LIPG: variants seen among roughly 807,000 people sequenced by gnomAD.
The protein encoded by LIPG is endothelial lipase.
Under a neutral mutation model 51.8 loss-of-function variants are expected in LIPG, and 34 were observed. The observed-to-expected ratio is 0.66, with a 90% CI of 0.50 to 0.87. The LOEUF is 0.87. LIPG is among the 40% of genes least tolerant of loss of function. The probability of loss-of-function intolerance (pLI) is 0.00; values close to 1 mark genes in which losing one functional copy is unlikely to be tolerated. For missense variants in LIPG, 580 were observed against 652.7 expected (o/e 0.89, Z 1.21); for synonymous variants, 246 against 246.1 (o/e 1.00, Z 0.00).
Position 49,595,758 on chromosome 18 carries a change from A to G in LIPG, c.*5236A>G, listed in dbSNP as rs2084979258. Reference sequence around the variant, plus strand: ...CAGAAGAATCGCTCGAACCTGGGAGATGGAGTTTGCAGTGAGCTGAGATCA... The same window carrying G: ...CAGAAGAATCGCTCGAACCTGGGAGGTGGAGTTTGCAGTGAGCTGAGATCA... On this transcript the variant is annotated 3_prime_UTR_variant, in exon 10 of 10. Coordinates refer to ENST00000261292, the MANE Select transcript of LIPG (RefSeq NM_006033.4). The G allele has an allele frequency of 6.6e-6, 1 of 152,170 alleles. No individual in the cohort carries two copies. Among genetic ancestry groups the G allele is most frequent in the East Asian group, 1.9e-4 (1 of 5,186 alleles). The allele number at this position is 152,170 out of a possible 1,614,324, so 9.4% of individuals were successfully genotyped here. A position where few individuals can be genotyped will look rare whatever the true frequency, so the allele number is the denominator to read the frequency against.
chr18:49,564,060 G>A (rs533813542), intron 1 of LIPG, among the ~76,000 whole-genome samples: 7 of 152,200 alleles, frequency 4.6e-5, no homozygotes, highest in South Asian at 2.1e-4. Context: ...CCTGACTTCC[G>A]CTCATGTGCA....
chr18:49,574,348 A>G (rs967996269), intron 4 of LIPG, among the ~76,000 whole-genome samples: 8 of 152,222 alleles, frequency 5.3e-5, no homozygotes, highest in Admixed American at 2.0e-4. Context: ...GGCCCACAGA[A>G]TACCTACTTT....
intron 5 of LIPG, 85 bp from the exon 6 acceptor site, chr18:49,581,330 G>T (rs2143966568): frequency 6.5e-7 from 1 of 1,538,618 alleles, no homozygotes; most frequent in Admixed American, 1.7e-5. Context: ...AGCTATCACT[G>T]TTGAGGAGTA....
At position 49,590,648 on chromosome 18, in the gene LIPG, G is replaced by A. The variant is rs1311383685; in HGVS notation, c.*126G>A. On this transcript the variant is annotated 3_prime_UTR_variant, in exon 10 of 10. Transcript: ENST00000261292. The stretch of plus-strand genomic sequence containing the variant: ...TTCTCAGCCTTGACCCTGGAGCACT[G>A]GGAACAACTGGTCTCCTGTGATGGC... 1 of 965,618 alleles carries A rather than the reference G, an allele frequency of 1.0e-6. No homozygotes were observed. The highest frequency in any genetic ancestry group is 1.6e-6 in the Non-Finnish European group (1 of 618,568). The allele number at this position is 965,618 out of a possible 1,614,324, so 59.8% of individuals were successfully genotyped here. A position where few individuals can be genotyped will look rare whatever the true frequency, so the allele number is the denominator to read the frequency against.
At chr18:49,572,217 G>C (rs1260183660) in intron 4 of LIPG, among the ~76,000 whole-genome samples, 3 of 152,168 alleles carry the variant, frequency 2.0e-5, no homozygotes, top group African/African-American at 7.2e-5. Flanking sequence ...CTACTCAGGA[G>C]GCTGAAGCAG....
At position 49,592,248 on chromosome 18, in the gene LIPG, G is replaced by C. The variant is rs534327327; in HGVS notation, c.*1726G>C. 6.6e-6 allele frequency: 1 copy of C among 152,196 alleles called. No homozygotes were observed. The highest frequency in any genetic ancestry group is 1.5e-5 in the Non-Finnish European group (1 of 68,042). 9.4% of individuals were successfully genotyped at this position (152,196 alleles called of 1,614,324 possible). ...TTCAAGATATGTTCTCAAGCCAATT[G>C]TGTGCTTCTCTTGTTTCTGTGATTG... On this transcript the variant is annotated 3_prime_UTR_variant, in exon 10 of 10. Coordinates refer to ENST00000261292, the MANE Select transcript of LIPG (RefSeq NM_006033.4).
upstream of LIPG, chr18:49,561,575 G>A: frequency 2.5e-6 from 2 of 810,360 alleles, no homozygotes; most frequent in Non-Finnish European, 3.3e-6. Flanking sequence ...GGAAGGGAGG[G>A]AGAAGAGGAG....
chr18:49,587,291 C>A (rs1354223841), intron 9 of LIPG, among the ~76,000 whole-genome samples: 1 of 151,194 alleles, frequency 6.6e-6, no homozygotes, highest in Non-Finnish European at 1.5e-5. Context: ...AAAGAAAGGG[C>A]CAGGCATGGA....
rs1010299833 is a variant in LIPG at position 49,595,763 on chromosome 18, G to A, written c.*5241G>A. On this transcript the variant is annotated 3_prime_UTR_variant, in exon 10 of 10. Coordinates refer to ENST00000261292, the MANE Select transcript of LIPG (RefSeq NM_006033.4). ...GAATCGCTCGAACCTGGGAGATGGA[G>A]TTTGCAGTGAGCTGAGATCACGCCA... 1 of 152,224 alleles carries A rather than the reference G, an allele frequency of 6.6e-6. No individual in the cohort carries two copies. Among genetic ancestry groups the A allele is most frequent in the Non-Finnish European group, 1.5e-5 (1 of 68,048 alleles). The allele number at this position is 152,224 out of a possible 1,614,324, so 9.4% of individuals were successfully genotyped here. A position where few individuals can be genotyped will look rare whatever the true frequency, so the allele number is the denominator to read the frequency against.
At chr18:49,568,390 C>CT (rs912840743) in intron 3 of LIPG, among the ~76,000 whole-genome samples, 59 of 148,128 alleles carry the variant, frequency 4.0e-4, no homozygotes, top group Non-Finnish European at 5.4e-4. Context: ...CTTATATTTA[C>CT]TTTTTTTTTT....
chr18:49,572,256 GT>G lies in LIPG; in HGVS notation c.571+2710del, dbSNP rs368455793. Among the ~76,000 whole-genome samples, 40 of 152,290 alleles carry G rather than the reference GT, an allele frequency of 2.6e-4. 1 individual carries two copies. In the East Asian group the frequency reaches 7.7e-3, roughly 29 times the overall value. ...AATCTCTTGAACCCAGGATGCGGAGGTTGCAGTGGGCTGAGATTGCGCCACT... is the reference window on the plus strand; with the variant it reads ...AATCTCTTGAACCCAGGATGCGGAGGTGCAGTGGGCTGAGATTGCGCCACT... On this transcript the variant is annotated intron_variant, in intron 4 of 9. Coordinates refer to ENST00000261292, the MANE Select transcript of LIPG (RefSeq NM_006033.4).
In LIPG at chr18:49,595,021, C is replaced by T. The variant is rs1670462080; in HGVS notation, c.*4499C>T. ...AACTTCCACAGGACTTCCTTTGACT[C>T]TCCAAACAAGCTGAAGCCCCAGACC... is the stretch of plus-strand genomic sequence containing the variant. On this transcript the variant is annotated 3_prime_UTR_variant, in exon 10 of 10. Coordinates refer to ENST00000261292, the MANE Select transcript of LIPG (RefSeq NM_006033.4). The T allele has an allele frequency of 6.6e-6, 1 of 152,198 alleles. No homozygotes were observed. Among genetic ancestry groups the T allele is most frequent in the African/African-American group, 2.4e-5 (1 of 41,452 alleles). The allele number at this position is 152,198 out of a possible 1,614,324, so 9.4% of individuals were successfully genotyped here. A position where few individuals can be genotyped will look rare whatever the true frequency, so the allele number is the denominator to read the frequency against.
At chr18:49,572,665 A>G (rs2084675666) in intron 4 of LIPG, among the ~76,000 whole-genome samples, 1 of 143,380 alleles carries the variant, frequency 7.0e-6, no homozygotes, top group African/African-American at 2.6e-5. Flanking sequence ...CAGGAGGTGG[A>G]GGTTGCAGAG....
Position 49,597,637 on chromosome 18 carries a change from T to C in LIPG, c.*7115T>C, listed in dbSNP as rs2084989900. On this transcript the variant is annotated 3_prime_UTR_variant, in exon 10 of 10. Coordinates refer to ENST00000261292, the MANE Select transcript of LIPG (RefSeq NM_006033.4). ...AAGACTCTGGAAGCTAGGACAGGTC[T>C]CAGCAGGTGAGGGCTCAGGCCCAGA... 1 of 152,372 alleles carries C rather than the reference T, an allele frequency of 6.6e-6. No individual in the cohort carries two copies. Among genetic ancestry groups the C allele is most frequent in the South Asian group, 2.1e-4 (1 of 4,834 alleles). 9.4% of individuals were successfully genotyped at this position (152,372 alleles called of 1,614,324 possible). A position where few individuals can be genotyped will look rare whatever the true frequency, so the allele number is the denominator to read the frequency against.
intron 8 of LIPG, among the ~76,000 whole-genome samples, chr18:49,585,970 AAGGT>A (rs753065507): frequency 6.6e-6 from 1 of 152,128 alleles, no homozygotes; most frequent in Non-Finnish European, 1.5e-5. Flanking sequence ...CTTCCTGGGA[AAGGT>A]TCTTAAGCTC....
At chr18:49,571,960 G>T (rs1248205588) in intron 4 of LIPG, among the ~76,000 whole-genome samples, 1 of 152,202 alleles carries the variant, frequency 6.6e-6, no homozygotes, top group African/African-American at 2.4e-5. Flanking sequence ...GCAAGCAGAT[G>T]AATTTATTCA....
intron 2 of LIPG, 37 bp from the exon 3 acceptor site, chr18:49,567,405 A>T: frequency 6.2e-7 from 1 of 1,601,298 alleles, no homozygotes; most frequent in Non-Finnish European, 8.5e-7. Context: ...GATTTCTGAA[A>T]CCAAGAATAA....
chr18:49,573,625 T>C (rs2084685864), intron 4 of LIPG, among the ~76,000 whole-genome samples: 1 of 152,014 alleles, frequency 6.6e-6, no homozygotes, highest in East Asian at 1.9e-4. Context: ...TTGGAAACTA[T>C]TTAGCGTTTC....
chr18:49,584,804 G>A (rs1005028044), intron 8 of LIPG, among the ~76,000 whole-genome samples: 11 of 152,052 alleles, frequency 7.2e-5, no homozygotes, highest in African/African-American at 2.7e-4. Flanking sequence ...GGATGTGAGA[G>A]CAGAAAGATG....
Sources: gnomAD v4.1 joint callset for allele counts (sites outside exome capture counted in the v4.1 genomes callset) on GRCh38, gnomAD v4.1.1 for gene constraint, MANE v1.5 for transcripts, NCBI Gene and HGNC (gene_info 2026-07-23, HGNC 2026-07-21) for gene names.